Variants in AP5M1 observed in about 807,000 individuals in gnomAD.
AP5M1 encodes AP-5 complex subunit mu-1.
Under a neutral mutation model 52.3 loss-of-function variants are expected in AP5M1, and 44 were observed. The observed-to-expected ratio is 0.84, with a 90% CI of 0.66 to 1.08. The LOEUF is 1.08. Among genes scored for constraint, AP5M1 ranks in the 50% least tolerant of loss-of-function variants. The pLI is 0.00. For synonymous variants in AP5M1, 213 were observed against 199.0 expected (o/e 1.07, Z -0.59); for missense variants, 526 against 568.4 (o/e 0.93, Z 0.76).
At chr14:57,272,671 C>T (rs1475707683) in intron 1 of AP5M1, among the ~76,000 whole-genome samples, 1 of 152,116 alleles carries the variant, frequency 6.6e-6, no homozygotes, top group Non-Finnish European at 1.5e-5. Context: ...ACTTTAATTA[C>T]CCTCTGGAAA....
At position 57,289,256 on chromosome 14, in the gene AP5M1, G is replaced by C. The variant is rs942446517; in HGVS notation, c.*372G>C. 2.6e-5 allele frequency: 4 copies of C among 154,522 alleles called. No homozygotes were observed. Among genetic ancestry groups the C allele is most frequent in the African/African-American group, 9.6e-5 (4 of 41,454 alleles). The allele number at this position is 154,522 out of a possible 1,614,324, so 9.6% of individuals were successfully genotyped here. On this transcript the variant is annotated 3_prime_UTR_variant, in exon 8 of 8. Transcript: ENST00000261558. ...TACTGAGCCTTGGATAAAGGGTCAG[G>C]CTCCTTTTTAGTTCAGAGATTCAGG...
chr14:57,279,032 C>A (rs938682361), intron 2 of AP5M1, among the ~76,000 whole-genome samples: 1 of 152,110 alleles, frequency 6.6e-6, no homozygotes, highest in African/African-American at 2.4e-5. Context: ...TAAAAAACAA[C>A]AGGTGCTGGC....
chr14:57,276,271 A>G (rs1474748993), intron 2 of AP5M1, among the ~76,000 whole-genome samples: 2 of 152,142 alleles, frequency 1.3e-5, no homozygotes, highest in Admixed American at 6.5e-5. Context: ...CCTAAGTTCA[A>G]TGAAATGAAA....
chr14:57,286,363 T>G, intron 7 of AP5M1, 44 bp downstream of exon 7: 1 of 1,235,712 alleles, frequency 8.1e-7, no homozygotes, highest in Non-Finnish European at 1.2e-6. Context: ...ATTAAAATGG[T>G]GTTTGCAGTT....
chr14:57,282,828 C>T, intron 4 of AP5M1, 106 bp from the exon 5 acceptor site: 1 of 647,124 alleles, frequency 1.5e-6, no homozygotes, highest in East Asian at 2.7e-5. Flanking sequence ...TACAGATCTG[C>T]TTTTATGCTG....
chr14:57,281,137 T>C (rs1202528472), intron 3 of AP5M1, among the ~76,000 whole-genome samples: 1 of 152,166 alleles, frequency 6.6e-6, no homozygotes, highest in Non-Finnish European at 1.5e-5. Context: ...CCTAAGCACT[T>C]TACATGTATT....
intron 6 of AP5M1, among the ~76,000 whole-genome samples, chr14:57,285,852 A>T (rs568056985): frequency 2.0e-5 from 3 of 152,172 alleles, no homozygotes. Context: ...GGAGTCGGTA[A>T]GGTCTGAGTT....
rs1320327492 is a variant in AP5M1 at position 57,274,882 on chromosome 14, C to A, written c.713C>A (p.Thr238Asn). Residue 238 changes from threonine (T) to asparagine (N), a missense_variant, in exon 2 of 8, where the codon ACT (threonine) becomes AAT (asparagine). Thr to Asn is a moderately conservative substitution (Grantham distance 65, BLOSUM62 0). Coordinates refer to ENST00000261558, the MANE Select transcript of AP5M1 (RefSeq NM_018229.4). ...ACATGGCAAGTTGTTGGAACAGTGA[C>A]TTGCAAGGTGAGATTTTTCTCTGGT... ...ADTWQVVGTVTCKCDLEGIMP... is the reference protein window; with the variant it reads ...ADTWQVVGTVNCKCDLEGIMP... 1.9e-6 allele frequency: 3 copies of A among 1,613,976 alleles called. No individual in the cohort carries two copies. The African/African-American group carries it at 4.0e-5, about 22-fold the overall frequency.
Position 57,291,880 on chromosome 14 carries a change from G to T in AP5M1, c.*2996G>T, listed in dbSNP as rs1885444820. The stretch of plus-strand genomic sequence containing the variant: ...CTAGGTAGGTGGAATTATCATCCAG[G>T]CCTTCTGTAGGGACTGCTGCCACAA... On this transcript the variant is annotated 3_prime_UTR_variant, in exon 8 of 8. Coordinates refer to ENST00000261558, the MANE Select transcript of AP5M1 (RefSeq NM_018229.4). 6.6e-6 allele frequency: 1 copy of T among 151,678 alleles called. No homozygotes were observed. The highest frequency in any genetic ancestry group is 6.6e-5 in the Admixed American group (1 of 15,198). 9.4% of individuals were successfully genotyped at this position (151,678 alleles called of 1,614,324 possible). A position where few individuals can be genotyped will look rare whatever the true frequency, so the allele number is the denominator to read the frequency against.
chr14:57,287,377 A>G (rs1885335497), intron 7 of AP5M1, among the ~76,000 whole-genome samples: 1 of 152,128 alleles, frequency 6.6e-6, no homozygotes, highest in East Asian at 1.9e-4. Flanking sequence ...GTGCTTGTCA[A>G]TATAATTTCT....
At position 57,280,422 on chromosome 14, in the gene AP5M1, G is replaced by T. The variant is rs1465330696; in HGVS notation, c.948G>T (p.Gln316His). ...TCAACTTATGCTTCTACACTTCCCA[G>T]GTAACAACCCTAGAATAGTTGAGAG... is the stretch of plus-strand genomic sequence containing the variant. ...ESFNLCFYTS[Q>H]VPVPPILGFY... The change falls in exon 3 of 8, where the codon CAG (glutamine) becomes CAT (histidine). Residue 316 changes from glutamine to histidine, a missense_variant and splice_region_variant. Gln to His is a conservative substitution (Grantham distance 24, BLOSUM62 0). Coordinates refer to ENST00000261558, the MANE Select transcript of AP5M1 (RefSeq NM_018229.4). 5.7e-6 allele frequency: 9 copies of T among 1,589,780 alleles called. No individual in the cohort carries two copies. The highest frequency in any genetic ancestry group is 7.8e-6 in the Non-Finnish European group (9 of 1,158,134).
chr14:57,270,243 C>T (rs1046046695), intron 1 of AP5M1, among the ~76,000 whole-genome samples: 1 of 152,120 alleles, frequency 6.6e-6, no homozygotes, highest in Non-Finnish European at 1.5e-5. Flanking sequence ...GATCTGGTCC[C>T]ACTATTAGAA....
chr14:57,283,633 C>T (rs189862006), intron 6 of AP5M1, among the ~76,000 whole-genome samples: 5 of 152,148 alleles, frequency 3.3e-5, no homozygotes, highest in East Asian at 1.9e-4. Context: ...TGTTTTTAAA[C>T]GGAACCAGCT....
intron 1 of AP5M1, chr14:57,273,861 TAGAATC>T: frequency 1.6e-6 from 1 of 622,694 alleles, no homozygotes; most frequent in South Asian, 1.9e-5. Flanking sequence ...GCTACTAAGA[TAGAATC>T]AGAAGAAAAA....
rs776542190 is a variant in AP5M1 at position 57,286,264 on chromosome 14, T to C, written c.1335T>C (p.Tyr445=). 1.9e-6 allele frequency: 3 copies of C among 1,613,144 alleles called. No individual in the cohort carries two copies. Among genetic ancestry groups the C allele is most frequent in the Non-Finnish European group, 2.5e-6 (3 of 1,179,386 alleles). Residue 445 remains tyrosine (Y), a synonymous_variant, in exon 7 of 8, where the codon TAT becomes TAC. Coordinates refer to ENST00000261558, the MANE Select transcript of AP5M1 (RefSeq NM_018229.4). ...RILDYTLTGC[Y]ADQHSVQVFA... ...TAGATTACACACTTACTGGATGTTA[T>C]GCAGATCAGCATTCAGTTCAAGTTT...
intron 1 of AP5M1, 55 bp from the exon 2 acceptor site, chr14:57,274,189 C>G (rs1884960657): frequency 6.6e-7 from 1 of 1,509,946 alleles, no homozygotes; most frequent in East Asian, 2.3e-5. Flanking sequence ...AAAATTCTTT[C>G]ATCTTGATTT....
chr14:57,274,185 C>G (rs994566515), intron 1 of AP5M1, 59 bp from the exon 2 acceptor site: 2 of 1,508,288 alleles, frequency 1.3e-6, no homozygotes, highest in South Asian at 1.4e-5. Flanking sequence ...TAAAAAAATT[C>G]TTTCATCTTG....
In AP5M1 at chr14:57,296,524, C is replaced by T. The variant is rs1594714321; in HGVS notation, c.*7640C>T. The T allele has an allele frequency of 6.6e-6, 1 of 151,996 alleles. No individual in the cohort carries two copies. The highest frequency in any genetic ancestry group is 2.1e-4 in the South Asian group (1 of 4,828). The allele number at this position is 151,996 out of a possible 1,614,324, so 9.4% of individuals were successfully genotyped here. On this transcript the variant is annotated 3_prime_UTR_variant, in exon 8 of 8. Transcript: ENST00000261558. ...TGTTTAATCTAAAATAAAGTAGATGCCACGCTTCTAATTCTGCTTTTGCTA... is the reference window on the plus strand; with the variant it reads ...TGTTTAATCTAAAATAAAGTAGATGTCACGCTTCTAATTCTGCTTTTGCTA...
rs578018246 is a variant in AP5M1 at position 57,297,994 on chromosome 14, C to T, written c.*9110C>T. On this transcript the variant is annotated 3_prime_UTR_variant, in exon 8 of 8. Coordinates refer to ENST00000261558, the MANE Select transcript of AP5M1 (RefSeq NM_018229.4). Reference sequence around the variant, plus strand: ...GCCATTTATGACACTGATCTTCAGACACACTGTGTAGTGCCTTGGCTTAAA... The same window carrying T: ...GCCATTTATGACACTGATCTTCAGATACACTGTGTAGTGCCTTGGCTTAAA... 1 of 152,322 alleles carries T rather than the reference C, an allele frequency of 6.6e-6. No homozygotes were observed. Among genetic ancestry groups the T allele is most frequent in the Non-Finnish European group, 1.5e-5 (1 of 68,030 alleles). 9.4% of individuals were successfully genotyped at this position (152,322 alleles called of 1,614,324 possible).
Sources: gnomAD v4.1 joint callset for allele counts (sites outside exome capture counted in the v4.1 genomes callset) on GRCh38, gnomAD v4.1.1 for gene constraint, MANE v1.5 for transcripts, NCBI Gene and HGNC (gene_info 2026-07-23, HGNC 2026-07-21) for gene names.